Variants in NACC2 observed in about 807,000 individuals in gnomAD.
NACC2 encodes the protein NACC family member 2.
A neutral mutation model predicts 25.1 loss-of-function variants in NACC2; 8 were observed. The ratio of observed to expected loss-of-function variants is 0.32; its 90% confidence interval spans 0.19 to 0.57. The LOEUF is 0.57. NACC2 is among the 20% of genes least tolerant of loss of function. The pLI, the probability that NACC2 is intolerant of heterozygous loss-of-function variation, is 0.89. For synonymous variants in NACC2, 435 were observed against 294.7 expected (o/e 1.48, Z -4.88); for missense variants, 644 against 650.2 (o/e 0.99, Z 0.10).
At chr9:136,094,099 G>A (rs1231134235) in intron 1 of NACC2, among the ~76,000 whole-genome samples, 2 of 152,216 alleles carry the variant, frequency 1.3e-5, no homozygotes, top group East Asian at 3.9e-4. Flanking sequence ...GGGAGTCCGG[G>A]CTGCCTTGGG....
At chr9:136,044,206 CT>C (rs1840685705) in intron 2 of NACC2, among the ~76,000 whole-genome samples, 1 of 152,150 alleles carries the variant, frequency 6.6e-6, no homozygotes, top group Non-Finnish European at 1.5e-5. Context: ...TGCACCATAT[CT>C]ACAGGATGCT....
At chr9:136,024,092 A>T (rs994656232) in intron 2 of NACC2, among the ~76,000 whole-genome samples, 1 of 147,330 alleles carries the variant, frequency 6.8e-6, no homozygotes, top group Non-Finnish European at 1.5e-5. Flanking sequence ...TGAGGGCCAG[A>T]GTGTGTGTGT....
chr9:136,085,316 A>C (rs1830367803), intron 1 of NACC2, among the ~76,000 whole-genome samples: 1 of 151,388 alleles, frequency 6.6e-6, no homozygotes, highest in Non-Finnish European at 1.5e-5. Flanking sequence ...TGCCCGACCC[A>C]AAAAAATTTT....
rs550655797 is a variant in NACC2 at position 136,008,604 on chromosome 9, C to T, written c.*2912G>A. 1 of 152,364 alleles carries T rather than the reference C, an allele frequency of 6.6e-6. No homozygotes were observed. Among genetic ancestry groups the T allele is most frequent in the African/African-American group, 2.4e-5 (1 of 41,566 alleles). The allele number at this position is 152,364 out of a possible 1,614,324, so 9.4% of individuals were successfully genotyped here. A position where few individuals can be genotyped will look rare whatever the true frequency, so the allele number is the denominator to read the frequency against. On this transcript the variant is annotated 3_prime_UTR_variant, in exon 6 of 6. Transcript: ENST00000277554. ...GACAACCCCGGATTCTAGAATTAGTCATCTTGTAAACAAAGGAGGGAAGGG... is the reference window on the plus strand; with the variant it reads ...GACAACCCCGGATTCTAGAATTAGTTATCTTGTAAACAAAGGAGGGAAGGG...
rs150731093 is a variant in NACC2, at chr9:136,057,159, C to T, written c.-59-6579G>A. 9.2e-3 allele frequency among the ~76,000 whole-genome samples: 1,406 copies of T among 152,330 alleles called. 8 individuals carry two copies. Among genetic ancestry groups the T allele is most frequent in the Non-Finnish European group, 0.014 (984 of 68,022 alleles). ...GCGTTGGCTCTGCCGGGGGTCTGGT[C>T]CAGGGGCCTGTGTGACTGAGCCGAG... On this transcript the variant is annotated intron_variant, in intron 1 of 5. Transcript: ENST00000277554.
chr9:136,051,905 G>GGAGGAGGAGGAGGAA (rs1840848743), intron 1 of NACC2, among the ~76,000 whole-genome samples: 1 of 118,438 alleles, frequency 8.4e-6, no homozygotes, highest in Non-Finnish European at 1.8e-5. Context: ...AGGAGGAGGA[G>GGAGGAGGAGGAGGAA]GAGGAGATGG....
intron 2 of NACC2, among the ~76,000 whole-genome samples, chr9:136,046,505 C>A (rs1389962160): frequency 1.3e-5 from 2 of 152,300 alleles, no homozygotes; most frequent in African/African-American, 4.8e-5. Context: ...GAAGTGACTG[C>A]TGCAGAGATG....
At chr9:136,091,903 C>A (rs1041358866) in intron 1 of NACC2, among the ~76,000 whole-genome samples, 1 of 152,200 alleles carries the variant, frequency 6.6e-6, no homozygotes, top group East Asian at 1.9e-4. Context: ...GCAACAGAGG[C>A]GGAGGCAGGC....
At position 136,087,742 on chromosome 9, in the gene NACC2, G is replaced by C. The variant is rs114769230; in HGVS notation, c.-60+7447C>G. ...GGGAAATGAGGCTCGAATCCCAAGA[G>C]AACACTTGCTCTCCAACCCTGGAAG... On this transcript the variant is annotated intron_variant, in intron 1 of 5. Transcript: ENST00000277554. Among the ~76,000 whole-genome samples, 478 of 152,340 alleles carry C rather than the reference G, an allele frequency of 3.1e-3. 3 individuals are homozygous for C. Among genetic ancestry groups the C allele is most frequent in the African/African-American group, 0.011 (446 of 41,594 alleles).
chr9:136,071,995 C>T (rs377208587), intron 1 of NACC2, among the ~76,000 whole-genome samples: 3 of 151,630 alleles, frequency 2.0e-5, no homozygotes, highest in South Asian at 2.1e-4. Context: ...CCCAGCACTT[C>T]GGGAGGCCCA....
intron 2 of NACC2, among the ~76,000 whole-genome samples, chr9:136,042,449 G>C (rs551232627): frequency 1.3e-5 from 2 of 152,006 alleles, no homozygotes; most frequent in African/African-American, 4.8e-5. Flanking sequence ...GTACGTATTC[G>C]ACTGATTCTT....
At chr9:136,090,247 G>T (rs1717418) in intron 1 of NACC2, among the ~76,000 whole-genome samples, 91,333 of 152,002 alleles carry the variant, frequency 0.6, 28,184 homozygotes, top group South Asian at 0.7. Context: ...GGCCAGAGGG[G>T]ATGCCTCAGG....
At position 136,084,178 on chromosome 9, in the gene NACC2, G is replaced by A. The variant is rs1005203186; in HGVS notation, c.-60+11011C>T. Among the ~76,000 whole-genome samples, 10 of 152,136 alleles carry A rather than the reference G, an allele frequency of 6.6e-5. No individual in the cohort carries two copies. The highest frequency in any genetic ancestry group is 5.9e-4 in the Admixed American group (9 of 15,282). On this transcript the variant is annotated intron_variant, in intron 1 of 5. Transcript: ENST00000277554. This position sits in a 1 kb window ranked among gnomAD's most constrained non-coding sequence, Gnocchi z 5.1. ...CGTCTTTCCAGGAGCAGTGGGTTCC[G>A]ATGAGACCCTCAACACCCACTCACC...
At chr9:136,032,911 G>A (rs1255206845) in intron 2 of NACC2, among the ~76,000 whole-genome samples, 25 of 152,140 alleles carry the variant, frequency 1.6e-4, no homozygotes, top group East Asian at 3.9e-4. Flanking sequence ...CCAGCTACTC[G>A]GGAGGCTGAG....
rs1276629359 is a variant in NACC2 at position 136,052,610 on chromosome 9, G to A, written c.-59-2030C>T. ...CTCTGCCCAGGCGGCAGGCCCGGGAGTCCAGCCCCAGCACCCCTCCCCATC... is the reference window on the plus strand; with the variant it reads ...CTCTGCCCAGGCGGCAGGCCCGGGAATCCAGCCCCAGCACCCCTCCCCATC... On this transcript the variant is annotated intron_variant, in intron 1 of 5. Coordinates refer to ENST00000277554, the MANE Select transcript of NACC2 (RefSeq NM_144653.5). 3.9e-5 allele frequency among the ~76,000 whole-genome samples: 6 copies of A among 152,272 alleles called. No homozygotes were observed. In the East Asian group the frequency reaches 7.7e-4, roughly 20 times the overall value.
rs921783285 is a variant in NACC2, at chr9:136,077,828, A to G, written c.-60+17361T>C. ...TAAGTGAAAGTAGTTTGAAAAGTGA[A>G]TAAGGAATCAGTGATGAATACTGAC... On this transcript the variant is annotated intron_variant, in intron 1 of 5. Coordinates refer to ENST00000277554, the MANE Select transcript of NACC2 (RefSeq NM_144653.5). 2.6e-5 allele frequency among the ~76,000 whole-genome samples: 4 copies of G among 152,272 alleles called. No individual in the cohort carries two copies. The East Asian group carries it at 5.8e-4, about 22-fold the overall frequency.
At chr9:136,078,392 G>A (rs1830285393) in intron 1 of NACC2, among the ~76,000 whole-genome samples, 1 of 152,214 alleles carries the variant, frequency 6.6e-6, no homozygotes, top group Admixed American at 6.5e-5. Context: ...CTCATTTCAG[G>A]AACTAAAGGC....
intron 1 of NACC2, among the ~76,000 whole-genome samples, chr9:136,085,137 ATTT>A (rs913472378): frequency 4.8e-5 from 4 of 82,770 alleles, no homozygotes; most frequent in African/African-American, 1.8e-4. Context: ...CATTTCTACA[ATTT>A]TTTTTTTTTT....
rs1226865881 is a variant in NACC2, at chr9:136,022,015, A to G, written c.887-5586T>C. On this transcript the variant is annotated intron_variant, in intron 2 of 5. Transcript: ENST00000277554. This position sits in a 1 kb window ranked among gnomAD's most constrained non-coding sequence, Gnocchi z 4.4. ...TGTGAATGAGGAAAGGTCGGGCTAC[A>G]CACCTGTCCCCACGGGGGCAGCCTG... Among the ~76,000 whole-genome samples the G allele has an allele frequency of 6.6e-6, 1 of 152,110 alleles. No homozygotes were observed. Among genetic ancestry groups the G allele is most frequent in the African/African-American group, 2.4e-5 (1 of 41,434 alleles).
Sources: gnomAD v4.1 joint callset for allele counts (sites outside exome capture counted in the v4.1 genomes callset) on GRCh38, gnomAD v4.1.1 for gene constraint, Gnocchi (gnomAD v3.1) non-coding constraint, MANE v1.5 for transcripts, NCBI Gene and HGNC (gene_info 2026-07-23, HGNC 2026-07-21) for gene names.